Variants in ZNF404 observed in about 807,000 individuals in gnomAD.
ZNF404 encodes the protein zinc finger protein 404.
Under a neutral mutation model 7.3 loss-of-function variants are expected in ZNF404, and 7 were observed. That is an observed-to-expected ratio of 0.95 (90% CI 0.54 to 1.79). The LOEUF (loss-of-function observed/expected upper bound fraction) is 1.79, where lower values mean the gene tolerates loss of function less well. Among genes scored for constraint, ZNF404 ranks in the 40% most tolerant of loss-of-function variants. The pLI is 0.00. For missense variants in ZNF404, 560 were observed against 661.5 expected (o/e 0.85, Z 1.68); for synonymous variants, 191 against 209.9 (o/e 0.91, Z 0.78).
At chr19:43,875,887 A>AAGAC (rs1971847468) in intron 2 of ZNF404, among the ~76,000 whole-genome samples, 1 of 152,186 alleles carries the variant, frequency 6.6e-6, no homozygotes, top group Non-Finnish European at 1.5e-5. Flanking sequence ...GAATTTCTTG[A>AAGAC]AGACAGTGAT....
rs1971829722 is a variant in ZNF404 at position 43,873,604 on chromosome 19, G to A, written c.610C>T (p.Gln204Ter). The change falls in exon 3 of 3, where the codon CAG (glutamine) becomes TAG (stop). Residue 204 changes from glutamine to a stop codon, truncating the protein, a stop_gained. Transcript: ENST00000587539. LOFTEE classifies it low-confidence loss of function (END_TRUNC). ...ATACCAGTATGAATTATCTGATGCTGAATAAGCTGTGAATAAAACCTAAAG... is the reference window on the plus strand; with the variant it reads ...ATACCAGTATGAATTATCTGATGCTAAATAAGCTGTGAATAAAACCTAAAG... ...KAFRFYSQLI[Q>*]HQIIHTGMKP... is the part of the protein sequence containing the mutation. 6.2e-7 allele frequency: 1 copy of A among 1,613,510 alleles called. No individual in the cohort carries two copies. The highest frequency in any genetic ancestry group is 8.5e-7 in the Non-Finnish European group (1 of 1,179,682).
rs1186578728 is a variant in ZNF404 at position 43,872,505 on chromosome 19, T to C, written c.*50A>G. On this transcript the variant is annotated 3_prime_UTR_variant, in exon 3 of 3. Coordinates refer to ENST00000587539, the MANE Select transcript of ZNF404 (RefSeq NM_001033719.3). This position sits in a 1 kb window ranked among gnomAD's most constrained non-coding sequence, Gnocchi z 4.4. ...TAGTTTAATCTTCACTATAGCATCA[T>C]AATAGTGACAACAGTAAAAATGTGC... is the stretch of plus-strand genomic sequence containing the variant. 2.1e-6 allele frequency: 3 copies of C among 1,401,870 alleles called. No homozygotes were observed. The Admixed American group carries it at 7.7e-5, about 36-fold the overall frequency. The allele number at this position is 1,401,870 out of a possible 1,614,324, so 86.8% of individuals were successfully genotyped here.
At chr19:43,876,990 A>G (rs1021058871) in intron 2 of ZNF404, among the ~76,000 whole-genome samples, 1 of 152,238 alleles carries the variant, frequency 6.6e-6, no homozygotes, top group Non-Finnish European at 1.5e-5. Context: ...GCTAAATGCA[A>G]TGTGATATCC....
At chr19:43,876,118 G>A (rs1046050094) in intron 2 of ZNF404, among the ~76,000 whole-genome samples, 3 of 152,170 alleles carry the variant, frequency 2.0e-5, no homozygotes, top group African/African-American at 7.2e-5. Context: ...GAGGCCAAGA[G>A]TTCAAGACCA....
At chr19:43,874,147 T>TA in intron 2 of ZNF404, 70 bp from the exon 3 acceptor site, 1 of 1,057,238 alleles carries the variant, frequency 9.5e-7, no homozygotes, top group Non-Finnish European at 1.3e-6. Context: ...ACATCTATAT[T>TA]AAAAATAGTG....
intron 1 of ZNF404, 141 bp downstream of exon 1, chr19:43,883,815 A>C (rs239939): frequency 2.5e-6 from 2 of 792,506 alleles, no homozygotes; most frequent in South Asian, 1.7e-5. Flanking sequence ...GACATCATCC[A>C]TCACTGGAAT....
At chr19:43,874,766 C>G (rs1340286480) in intron 2 of ZNF404, among the ~76,000 whole-genome samples, 1 of 152,088 alleles carries the variant, frequency 6.6e-6, no homozygotes, top group African/African-American at 2.4e-5. Context: ...TATACTCCTT[C>G]TCTCAATTAC....
chr19:43,880,411 A>C (rs1455297197), intron 1 of ZNF404, among the ~76,000 whole-genome samples: 1 of 152,194 alleles, frequency 6.6e-6, no homozygotes, highest in African/African-American at 2.4e-5. Flanking sequence ...TTTCCAAATT[A>C]AATAGTATAT....
chr19:43,882,763 C>A (rs905121359), intron 1 of ZNF404, among the ~76,000 whole-genome samples: 6 of 148,400 alleles, frequency 4.0e-5, no homozygotes, highest in Non-Finnish European at 8.9e-5. Flanking sequence ...TGCACTCCAG[C>A]TTGGGCAAGA....
chr19:43,872,619 A>C lies in ZNF404; in HGVS notation c.1595T>G (p.Phe532Cys), dbSNP rs756344589. 2.5e-6 allele frequency: 4 copies of C among 1,612,068 alleles called. No homozygotes were observed. Among genetic ancestry groups the C allele is most frequent in the Middle Eastern group, 1.7e-4 (1 of 6,056 alleles). The change falls in exon 3 of 3, where the codon TTT becomes TGT. Residue 532 changes from phenylalanine (F) to cysteine (C), a missense_variant. By Grantham distance (205) the Phe-to-Cys change is radical (BLOSUM62 -2). Coordinates refer to ENST00000587539, the MANE Select transcript of ZNF404 (RefSeq NM_001033719.3). The surrounding 1 kb of genome is among the most constrained non-coding windows in gnomAD (Gnocchi z 4.4). The part of the protein sequence containing the change: ...PQKCKECGKA[F>C]SHCYQLSQHQ... ...TTGACTAAGTTGATAGCAATGACTA[A>C]AGGCCTTACCACATTCTTTGCATTT...
Position 43,873,954 on chromosome 19 carries a change from C to A in ZNF404, c.260G>T (p.Arg87Ile). The change falls in exon 3 of 3, where the codon AGA becomes ATA. Residue 87 changes from arginine to isoleucine, a missense_variant. Transcript: ENST00000587539. Reference sequence around the variant, plus strand: ...TTCAATTGTGTACTGTGGGTCAGTTCTGAAAATAAACCTCATAAGGTTGAA... The same window carrying A: ...TTCAATTGTGTACTGTGGGTCAGTTATGAAAATAAACCTCATAAGGTTGAA... The part of the protein sequence containing the change: ...KTFNLMRFIF[R>I]TDPQYTIEFG... The A allele has an allele frequency of 1.2e-6, 2 of 1,613,140 alleles. No individual in the cohort carries two copies. The highest frequency in any genetic ancestry group is 1.7e-6 in the Non-Finnish European group (2 of 1,179,476).
Position 43,873,194 on chromosome 19 carries a change from T to C in ZNF404, c.1020A>G (p.Ser340=). The C allele has an allele frequency of 6.2e-7, 1 of 1,612,642 alleles. No individual in the cohort carries two copies. Among genetic ancestry groups the C allele is most frequent in the South Asian group, 1.1e-5 (1 of 91,034 alleles). Residue 340 remains serine (S), a synonymous_variant, in exon 3 of 3, where the codon TCA becomes TCG. Coordinates refer to ENST00000587539, the MANE Select transcript of ZNF404 (RefSeq NM_001033719.3). ...GAATTCTCTTATGTTTAAGAAGGCT[T>C]GAGCCCTTACCAAAAGCCTTTCCAC... ...MECGKAFGKG[S]SLLKHKRIHS...
intron 2 of ZNF404, among the ~76,000 whole-genome samples, chr19:43,875,190 C>T (rs974489128): frequency 2.0e-5 from 3 of 152,182 alleles, no homozygotes; most frequent in Non-Finnish European, 4.4e-5. Flanking sequence ...CATGCCTCTA[C>T]CACTGGTGTT....
chr19:43,873,328 C>T lies in ZNF404; in HGVS notation c.886G>A (p.Glu296Lys). The T allele has an allele frequency of 6.2e-7, 1 of 1,613,318 alleles. No individual in the cohort carries two copies. The highest frequency in any genetic ancestry group is 2.2e-5 in the East Asian group (1 of 44,860). ...CATTGTTCACATTTATATGGTTTCT[C>T]ACCAGAATGAATTTTCTTATGTTGG... ...LYQHKKIHSG[E>K]KPYKCEQCEK... Residue 296 changes from glutamate (E) to lysine (K), a missense_variant, in exon 3 of 3, where the codon GAG (glutamate) becomes AAG (lysine). Glu to Lys is a moderately conservative substitution (Grantham distance 56). Coordinates refer to ENST00000587539, the MANE Select transcript of ZNF404 (RefSeq NM_001033719.3).
In ZNF404 at chr19:43,878,597, G is replaced by A. The variant is rs115625327; in HGVS notation, c.136+1413C>T. 7.3e-3 allele frequency among the ~76,000 whole-genome samples: 1,104 copies of A among 152,236 alleles called. 7 individuals are homozygous for A. The highest frequency in any genetic ancestry group is 0.024 in the African/African-American group (1,002 of 41,534). Reference sequence around the variant, plus strand: ...TGAGTACTGATATGAATTTACATGTGAGCAAACTAATGAGGCAAAGGAAAG... The same window carrying A: ...TGAGTACTGATATGAATTTACATGTAAGCAAACTAATGAGGCAAAGGAAAG... On this transcript the variant is annotated intron_variant, in intron 2 of 2. Coordinates refer to ENST00000587539, the MANE Select transcript of ZNF404 (RefSeq NM_001033719.3).
At chr19:43,877,087 A>G (rs1971854536) in intron 2 of ZNF404, among the ~76,000 whole-genome samples, 1 of 151,904 alleles carries the variant, frequency 6.6e-6, no homozygotes, top group African/African-American at 2.4e-5. Context: ...GTTTGCCTAT[A>G]GTTTTGTTAA....
In ZNF404 at chr19:43,873,497, G is replaced by A; in HGVS notation, c.717C>T (p.Gly239=). The change falls in exon 3 of 3, where the codon GGC becomes GGT. Residue 239 remains glycine, a synonymous_variant. Transcript: ENST00000587539. The part of the protein sequence containing the change: ...HLTEHQKIHV[G]LKPFECKECG... The stretch of plus-strand genomic sequence containing the variant: ...ATTCCTTACATTCAAAGGGTTTCAA[G>A]CCAACATGAATTTTCTGATGTTCTG... 6.2e-7 allele frequency: 1 copy of A among 1,613,328 alleles called. No homozygotes were observed. The highest frequency in any genetic ancestry group is 8.5e-7 in the Non-Finnish European group (1 of 1,179,498).
At chr19:43,883,045 G>A (rs541199882) in intron 1 of ZNF404, among the ~76,000 whole-genome samples, 1 of 151,794 alleles carries the variant, frequency 6.6e-6, no homozygotes, top group Admixed American at 6.6e-5. Flanking sequence ...AGGTTGCAGT[G>A]AGCCAAGATA....
chr19:43,872,738 T>C lies in ZNF404; in HGVS notation c.1476A>G (p.Glu492=), dbSNP rs1971820317. The C allele has an allele frequency of 5.0e-6, 8 of 1,613,124 alleles. No homozygotes were observed. In the East Asian group the frequency reaches 1.8e-4, roughly 36 times the overall value. Residue 492 remains glutamate (E), a synonymous_variant, in exon 3 of 3, where the codon GAA becomes GAG. Transcript: ENST00000587539. This position sits in a 1 kb window ranked among gnomAD's most constrained non-coding sequence, Gnocchi z 4.4. The stretch of plus-strand genomic sequence containing the variant: ...CACATTCTTTACATTCATAGGGTTT[T>C]TCACCAGTATGAATTCTCTTATGTT... ...LSQHKRIHTG[E]KPYECKECDK...
Sources: gnomAD v4.1 joint callset for allele counts (sites outside exome capture counted in the v4.1 genomes callset) on GRCh38, gnomAD v4.1.1 for gene constraint, Gnocchi (gnomAD v3.1) non-coding constraint, MANE v1.5 for transcripts, NCBI Gene and HGNC (gene_info 2026-07-23, HGNC 2026-07-21) for gene names.